The following FBLN1 variants were observed in gnomAD, a reference collection of about 807,000 sequenced individuals.
The protein encoded by FBLN1 is fibulin-1.
Under a neutral mutation model 89.7 loss-of-function variants are expected in FBLN1, and 34 were observed. The ratio of observed to expected loss-of-function variants is 0.38; its 90% CI spans 0.29 to 0.50. The LOEUF is 0.50. Ranked by LOEUF, FBLN1 falls within the 20% of genes least tolerant of loss-of-function variation. FBLN1 has a pLI of 0.92. For synonymous variants in FBLN1, 393 were observed against 391.3 expected (o/e 1.00, Z -0.05); for missense variants, 777 against 988.1 (o/e 0.79, Z 2.86).
Position 45,581,103 on chromosome 22 carries a change from G to A in FBLN1, c.1972+3995G>A, listed in dbSNP as rs1199672747. On this transcript the variant is annotated intron_variant, in intron 16 of 16. Coordinates refer to ENST00000327858, the MANE Select transcript of FBLN1 (RefSeq NM_006486.3). This position sits in a 1 kb window ranked among gnomAD's most constrained non-coding sequence, Gnocchi z 7.6. ...TGTAATCCGGGGTGCTCTGGGAAGAGATCTTTCAGGTAGTATATCCTGAGT... is the reference window on the plus strand; with the variant it reads ...TGTAATCCGGGGTGCTCTGGGAAGAAATCTTTCAGGTAGTATATCCTGAGT... Among the ~76,000 whole-genome samples, 1 of 152,230 alleles carries A rather than the reference G, an allele frequency of 6.6e-6. No individual in the cohort carries two copies.
chr22:45,554,712 G>A (rs2088755760), intron 14 of FBLN1, among the ~76,000 whole-genome samples: 1 of 152,214 alleles, frequency 6.6e-6, no homozygotes, highest in Non-Finnish European at 1.5e-5. Context: ...TCCAGACACA[G>A]CCCAGATGGC....
intron 7 of FBLN1, 122 bp from the exon 8 acceptor site, chr22:45,535,078 A>G: frequency 1.8e-6 from 2 of 1,117,682 alleles, no homozygotes; most frequent in Non-Finnish European, 2.7e-6. Context: ...CTCTATTAGA[A>G]TGTTTTGGGT....
At chr22:45,526,662 G>A (rs1257115968) in intron 3 of FBLN1, among the ~76,000 whole-genome samples, 1 of 152,230 alleles carries the variant, frequency 6.6e-6, no homozygotes, top group East Asian at 1.9e-4. Flanking sequence ...CATAGATTGG[G>A]CTGTGGAGGG....
At chr22:45,591,027 C>T (rs943959084) in intron 16 of FBLN1, among the ~76,000 whole-genome samples, 1 of 152,104 alleles carries the variant, frequency 6.6e-6, no homozygotes, top group Admixed American at 6.6e-5. Flanking sequence ...ATTTCTTATC[C>T]CTCTAGTCTC....
intron 14 of FBLN1, chr22:45,565,370 C>G (rs926456151): frequency 9.5e-7 from 1 of 1,048,122 alleles, no homozygotes; most frequent in Non-Finnish European, 1.2e-6. Context: ...TGCTTGTACC[C>G]TGGCCCCACG....
rs1569263347 is a variant in FBLN1, at chr22:45,576,234, ACAAATCCTTCC to A, written c.1841-735_1841-725del. ...ATGATGGGGTTTCACCAAACCACAT[ACAAATCCTTCC>A]CAAATCCCCAGTGGCTGGTTTTGTG... is the stretch of plus-strand genomic sequence containing the variant. On this transcript the variant is annotated intron_variant, in intron 15 of 16. Coordinates refer to ENST00000327858, the MANE Select transcript of FBLN1 (RefSeq NM_006486.3). This position sits in a 1 kb window ranked among gnomAD's most constrained non-coding sequence, Gnocchi z 5.2. Among the ~76,000 whole-genome samples, 1 of 152,240 alleles carries A rather than the reference ACAAATCCTTCC, an allele frequency of 6.6e-6. No homozygotes were observed. The highest frequency in any genetic ancestry group is 2.4e-5 in the African/African-American group (1 of 41,456).
At position 45,600,332 on chromosome 22, in the gene FBLN1, C is replaced by G. The variant is rs773314687; in HGVS notation, c.1998C>G (p.Ile666Met). 6.2e-7 allele frequency: 1 copy of G among 1,614,186 alleles called. No homozygotes were observed. Among genetic ancestry groups the G allele is most frequent in the Non-Finnish European group, 8.5e-7 (1 of 1,180,020 alleles). The change falls in exon 17 of 17, where the codon ATC becomes ATG. Residue 666 changes from isoleucine to methionine, a missense_variant. Coordinates refer to ENST00000327858, the MANE Select transcript of FBLN1 (RefSeq NM_006486.3). The part of the protein sequence containing the change: ...TVGVVRQVRP[I>M]VGPFHAVLKL... Reference sequence around the variant, plus strand: ...GTGTCGTGCGCCAGGTGCGGCCCATCGTGGGCCCATTTCATGCCGTCCTGA... The same window carrying G: ...GTGTCGTGCGCCAGGTGCGGCCCATGGTGGGCCCATTTCATGCCGTCCTGA...
Position 45,590,576 on chromosome 22 carries a change from G to C in FBLN1, c.1973-9731G>C, listed in dbSNP as rs2146662551. Among the ~76,000 whole-genome samples the C allele has an allele frequency of 6.6e-6, 1 of 152,312 alleles. No individual in the cohort carries two copies. Among genetic ancestry groups the C allele is most frequent in the South Asian group, 2.1e-4 (1 of 4,822 alleles). On this transcript the variant is annotated intron_variant, in intron 16 of 16. Transcript: ENST00000327858. The surrounding 1 kb of genome is among the most constrained non-coding windows in gnomAD (Gnocchi z 4.1). ...TTACCTCCTGGCTCTGAGCACAGTG[G>C]GAAGAGGCATGGGAGGGGTGAAAAG...
chr22:45,547,063 T>C, intron 11 of FBLN1, 22 bp from the exon 12 acceptor site: 1 of 1,613,928 alleles, frequency 6.2e-7, no homozygotes, highest in Non-Finnish European at 8.5e-7. Flanking sequence ...CTCTGAGCGG[T>C]GACCCTCGTT....
Position 45,558,161 on chromosome 22 carries a change from C to T in FBLN1, c.1697+7546C>T, listed in dbSNP as rs142230896. On this transcript the variant is annotated intron_variant, in intron 14 of 16. Transcript: ENST00000327858. ...GAGTGGAGACCACGGGCATTTGAGC[C>T]ACTTCCTCATGTAACTTAACTTGTG... is the stretch of plus-strand genomic sequence containing the variant. 2.2e-4 allele frequency: 158 copies of T among 710,396 alleles called. No homozygotes were observed. In the African/African-American group the frequency reaches 2.5e-3, roughly 11 times the overall value. The allele number at this position is 710,396 out of a possible 1,614,324, so 44.0% of individuals were successfully genotyped here.
chr22:45,529,096 G>T (rs1272013994), intron 4 of FBLN1, among the ~76,000 whole-genome samples: 3 of 152,214 alleles, frequency 2.0e-5, no homozygotes, highest in Admixed American at 2.0e-4. Flanking sequence ...AGCATGGGTG[G>T]CTGGCCTTGC....
At chr22:45,584,941 G>C (rs1213230835) in intron 16 of FBLN1, among the ~76,000 whole-genome samples, 1 of 152,188 alleles carries the variant, frequency 6.6e-6, no homozygotes, top group Non-Finnish European at 1.5e-5. Flanking sequence ...AACATCCTGG[G>C]GTACTTTTCT....
chr22:45,584,393 AT>A (rs2089067555), intron 16 of FBLN1, among the ~76,000 whole-genome samples: 1 of 152,150 alleles, frequency 6.6e-6, no homozygotes, highest in South Asian at 2.1e-4. Flanking sequence ...GTGTATAAGG[AT>A]TATTACCCAA....
intron 2 of FBLN1, among the ~76,000 whole-genome samples, chr22:45,520,168 C>T (rs2088230351): frequency 6.6e-6 from 1 of 152,088 alleles, no homozygotes; most frequent in Admixed American, 6.6e-5. Context: ...GACTCCGTGC[C>T]CCCACCATCA....
chr22:45,540,270 A>G (rs2146978497), intron 8 of FBLN1, among the ~76,000 whole-genome samples: 1 of 152,328 alleles, frequency 6.6e-6, no homozygotes, highest in East Asian at 1.9e-4. Flanking sequence ...TATAAAGTGC[A>G]GGCAGTAATG....
rs1438648662 is a variant in FBLN1 at position 45,502,959 on chromosome 22, C to T, written c.-27C>T. On this transcript the variant is annotated 5_prime_UTR_variant, in exon 1 of 17. Coordinates refer to ENST00000327858, the MANE Select transcript of FBLN1 (RefSeq NM_006486.3). ...ACCGCGCCCGCGCCTTTGTCCGCCGCCGCCCACCGCCCGTCGCCCGCCGCC... is the reference window on the plus strand; with the variant it reads ...ACCGCGCCCGCGCCTTTGTCCGCCGTCGCCCACCGCCCGTCGCCCGCCGCC... The T allele has an allele frequency of 9.3e-7, 1 of 1,070,974 alleles. No homozygotes were observed. The highest frequency in any genetic ancestry group is 1.1e-6 in the Non-Finnish European group (1 of 875,058). 66.3% of individuals were successfully genotyped at this position (1,070,974 alleles called of 1,614,324 possible). A position where few individuals can be genotyped will look rare whatever the true frequency, so the allele number is the denominator to read the frequency against.
chr22:45,554,356 T>C (rs913327632), intron 14 of FBLN1, among the ~76,000 whole-genome samples: 1 of 152,188 alleles, frequency 6.6e-6, no homozygotes, highest in African/African-American at 2.4e-5. Flanking sequence ...AGCACTCCCG[T>C]TTGGCCTGGA....
chr22:45,564,652 C>T (rs1044992662), intron 14 of FBLN1, among the ~76,000 whole-genome samples: 3 of 152,252 alleles, frequency 2.0e-5, no homozygotes, highest in Admixed American at 6.5e-5. Flanking sequence ...TAACAGGCTG[C>T]GGTTCCTGTT....
At chr22:45,541,777 C>T (rs1448299974) in intron 9 of FBLN1, among the ~76,000 whole-genome samples, 1 of 152,218 alleles carries the variant, frequency 6.6e-6, no homozygotes, top group Admixed American at 6.5e-5. Flanking sequence ...TGGGTGTTTG[C>T]TCTCACGTCA....
Sources: allele counts gnomAD v4.1 joint callset (sites outside exome capture counted in the v4.1 genomes callset), GRCh38; gene constraint gnomAD v4.1.1; non-coding constraint Gnocchi (gnomAD v3.1); transcripts MANE v1.5; gene names NCBI Gene and HGNC (gene_info 2026-07-23, HGNC 2026-07-21).